GRIN2D: variants seen among roughly 807,000 people sequenced by gnomAD.
GRIN2D encodes glutamate ionotropic receptor NMDA type subunit 2D.
A neutral mutation model predicts 103.2 loss-of-function variants in GRIN2D; 37 were observed. The observed-to-expected ratio is 0.36, with a 90% CI of 0.28 to 0.47. The LOEUF is 0.47. Ranked by LOEUF, GRIN2D falls within the 20% of genes least tolerant of loss-of-function variation. The pLI, the probability that GRIN2D is intolerant of heterozygous loss-of-function variation, is 1.00. For missense variants in GRIN2D, 1,557 were observed against 1,910.6 expected, an observed-to-expected ratio of 0.81 and a Z score of 3.45; for synonymous variants, 845 against 885.6, an observed-to-expected ratio of 0.95 and a Z score of 0.81.
chr19:48,400,226 G>A (rs1461459467), intron 3 of GRIN2D, among the ~76,000 whole-genome samples: 1 of 152,000 alleles, frequency 6.6e-6, no homozygotes, highest in African/African-American at 2.4e-5. Flanking sequence ...TTGAGAATGG[G>A]TCAGCTAGGA....
chr19:48,393,742 G>A lies in GRIN2D; in HGVS notation c.-432G>A, dbSNP rs534203117. Among the ~76,000 whole-genome samples, 88 of 152,108 alleles carry A rather than the reference G, an allele frequency of 5.8e-4. 1 individual carries two copies. The highest frequency in any genetic ancestry group is 3.6e-4 in the African/African-American group (15 of 41,492). ...TCCCGCTCCAGCTCCTCCAAGCCGC[G>A]GCCGCCGCCGCCACCCTCGCCCGCA... On this transcript the variant is annotated 5_prime_UTR_variant, in exon 1 of 14. Transcript: ENST00000263269. This position sits in a 1 kb window ranked among gnomAD's most constrained non-coding sequence, Gnocchi z 5.6.
intron 8 of GRIN2D, among the ~76,000 whole-genome samples, chr19:48,416,562 AC>A (rs1184404286): frequency 1.3e-5 from 2 of 152,326 alleles, no homozygotes; most frequent in East Asian, 3.9e-4. Context: ...TTAGCATGGT[AC>A]CAATACCTTG....
chr19:48,433,986 T>C (rs916542157), intron 11 of GRIN2D, among the ~76,000 whole-genome samples: 6 of 151,624 alleles, frequency 4.0e-5, no homozygotes, highest in South Asian at 2.1e-4. Flanking sequence ...TCTCGCTCTG[T>C]TGCCCAGGCT....
At chr19:48,439,262 A>T (rs980628728) in intron 11 of GRIN2D, among the ~76,000 whole-genome samples, 87 of 151,692 alleles carry the variant, frequency 5.7e-4, no homozygotes, top group African/African-American at 1.8e-3. Context: ...ATAAATATTT[A>T]AAAAATATAT....
chr19:48,412,414 GAGAAAGAAAAGAA>G (rs1453825827), intron 4 of GRIN2D, among the ~76,000 whole-genome samples: 39 of 115,828 alleles, frequency 3.4e-4, no homozygotes, highest in African/African-American at 1.2e-3. Flanking sequence ...AAGAAAGAAA[GAGAAAGAAAAGAA>G]AGAAAGAAAG....
rs186939266 is a variant in GRIN2D, at chr19:48,422,942, T to C, written c.2252+997T>C. Reference sequence around the variant, plus strand: ...CCCATCTCTACTTAAAATACAAAAATTAGGCTGGGTGCGGCAACAGGCTCT... The same window carrying C: ...CCCATCTCTACTTAAAATACAAAAACTAGGCTGGGTGCGGCAACAGGCTCT... On this transcript the variant is annotated intron_variant, in intron 11 of 13. Coordinates refer to ENST00000263269, the MANE Select transcript of GRIN2D (RefSeq NM_000836.4). Among the ~76,000 whole-genome samples the C allele has an allele frequency of 4.4e-3, 666 of 152,016 alleles. 11 individuals are homozygous for C. Among genetic ancestry groups the C allele is most frequent in the South Asian group, 0.034 (164 of 4,794 alleles).
intron 11 of GRIN2D, among the ~76,000 whole-genome samples, chr19:48,429,557 GC>G (rs1971131460): frequency 6.6e-6 from 1 of 151,940 alleles, no homozygotes; most frequent in African/African-American, 2.4e-5. Flanking sequence ...CTGCCACCAC[GC>G]CCAGCTAACT....
At chr19:48,429,081 C>T (rs1228001914) in intron 11 of GRIN2D, among the ~76,000 whole-genome samples, 4 of 152,164 alleles carry the variant, frequency 2.6e-5, no homozygotes, top group African/African-American at 9.7e-5. Context: ...TCATTGTCAT[C>T]TCTTGCTCTA....
intron 2 of GRIN2D, among the ~76,000 whole-genome samples, chr19:48,397,978 T>G (rs1377026034): frequency 2.0e-5 from 3 of 151,612 alleles, no homozygotes; most frequent in African/African-American, 7.3e-5. Context: ...CTGTTTCACC[T>G]CTTCCTCTGG....
In GRIN2D at chr19:48,442,039, C is replaced by A. The variant is rs1021619664; in HGVS notation, c.2440+83C>A. On this transcript the variant is annotated intron_variant, in intron 12 of 13. Coordinates refer to ENST00000263269, the MANE Select transcript of GRIN2D (RefSeq NM_000836.4). This position sits in a 1 kb window ranked among gnomAD's most constrained non-coding sequence, Gnocchi z 7.2. ...TCCGGGGAAGAAAGGGACAAAGACC[C>A]GGACACCAGGGTCTGAGGGAGGAAG... 1.3e-6 allele frequency: 2 copies of A among 1,511,646 alleles called. No homozygotes were observed. Among genetic ancestry groups the A allele is most frequent in the Non-Finnish European group, 1.8e-6 (2 of 1,106,640 alleles). 93.6% of individuals were successfully genotyped at this position (1,511,646 alleles called of 1,614,324 possible). A position where few individuals can be genotyped will look rare whatever the true frequency, so the allele number is the denominator to read the frequency against.
chr19:48,441,077 A>T (rs1474940740), intron 11 of GRIN2D, among the ~76,000 whole-genome samples: 1 of 152,048 alleles, frequency 6.6e-6, no homozygotes, highest in Non-Finnish European at 1.5e-5. Flanking sequence ...ATTAACAGTC[A>T]CAGCTGGCCA....
chr19:48,432,222 CTTT>C (rs1006061692), intron 11 of GRIN2D, among the ~76,000 whole-genome samples: 8 of 137,718 alleles, frequency 5.8e-5, no homozygotes, highest in Non-Finnish European at 7.8e-5. Flanking sequence ...CTTTTTCTTT[CTTT>C]TTTTTTTTTT....
Position 48,405,145 on chromosome 19 carries a change from C to G in GRIN2D, c.877C>G (p.Leu293Val), listed in dbSNP as rs765129833. Residue 293 changes from leucine to valine, a missense_variant, in exon 4 of 14, where the codon CTT becomes GTT. By Grantham distance (32) the Leu-to-Val change is conservative. Around this residue, in one of 7 missense-constraint regions of GRIN2D, gnomAD observed 490 missense variants for 601.1 expected, o/e 0.82. Transcript: ENST00000263269. The surrounding 1 kb of genome is among the most constrained non-coding windows in gnomAD (Gnocchi z 5.1). ...CTCTGGGGCCCCTGGTGAGCCCCCT[C>G]TTCTGCCAGGAGGCGCCCCCCTGCC... ...GGSGAPGEPP[L>V]LPGGAPLPAG... is the part of the protein sequence containing the mutation. 9 of 1,574,364 alleles carry G rather than the reference C, an allele frequency of 5.7e-6. No individual in the cohort carries two copies. In the South Asian group the frequency reaches 1.0e-4, roughly 18 times the overall value.
chr19:48,412,819 C>A (rs1192507888), intron 4 of GRIN2D, among the ~76,000 whole-genome samples: 2 of 129,080 alleles, frequency 1.5e-5, no homozygotes, highest in Admixed American at 8.0e-5. Context: ...AAACAAAAAA[C>A]CACACATTAA....
At chr19:48,399,833 A>T (rs142185938) in intron 3 of GRIN2D, among the ~76,000 whole-genome samples, 73 of 127,034 alleles carry the variant, frequency 5.7e-4, no homozygotes, top group African/African-American at 2.2e-3. Flanking sequence ...GTGCGAGGCC[A>T]GTCAGGGAAG....
rs1970604067 is a variant in GRIN2D at position 48,394,254 on chromosome 19, GATC to G, written c.-306+387_-306+389del. Among the ~76,000 whole-genome samples, 3 of 151,934 alleles carry G rather than the reference GATC, an allele frequency of 2.0e-5. No homozygotes were observed. The highest frequency in any genetic ancestry group is 6.6e-5 in the Admixed American group (1 of 15,230). On this transcript the variant is annotated intron_variant, in intron 1 of 13. Transcript: ENST00000263269. This position sits in a 1 kb window ranked among gnomAD's most constrained non-coding sequence, Gnocchi z 5.1. ...TTGAGGGGGAATCCCAGGGAAGTGAGATCGTGCGTGTGTGCGTGAGTGTATGTG... is the reference window on the plus strand; with the variant it reads ...TTGAGGGGGAATCCCAGGGAAGTGAGGTGCGTGTGTGCGTGAGTGTATGTG...
At chr19:48,437,045 C>T (rs117362397) in intron 11 of GRIN2D, among the ~76,000 whole-genome samples, 3,909 of 152,256 alleles carry the variant, frequency 0.026, 74 homozygotes, top group Non-Finnish European at 0.041. Context: ...AAAGAAAGGA[C>T]GGATGCAGGG....
At chr19:48,436,852 T>C (rs1971238530) in intron 11 of GRIN2D, among the ~76,000 whole-genome samples, 1 of 151,902 alleles carries the variant, frequency 6.6e-6, no homozygotes, top group South Asian at 2.1e-4. Flanking sequence ...GAGGGGGGGC[T>C]TGGGAGATGA....
chr19:48,436,547 C>A (rs997763438), intron 11 of GRIN2D, among the ~76,000 whole-genome samples: 13 of 152,174 alleles, frequency 8.5e-5, no homozygotes, highest in South Asian at 2.1e-4. Context: ...GTAGACTAGT[C>A]CCCAGGCAAG....
Sources: allele counts gnomAD v4.1 joint callset (sites outside exome capture counted in the v4.1 genomes callset), GRCh38; gene constraint gnomAD v4.1.1; regional missense constraint gnomAD v4.1.1; non-coding constraint Gnocchi (gnomAD v3.1); transcripts MANE v1.5; gene names NCBI Gene and HGNC (gene_info 2026-07-23, HGNC 2026-07-21).